Variants in UNKL observed in about 807,000 individuals in gnomAD.
UNKL encodes putative E3 ubiquitin-protein ligase UNKL.
A neutral mutation model predicts 78.0 loss-of-function variants in UNKL; 60 were observed. That is an observed-to-expected ratio of 0.77 (90% CI 0.63 to 0.95). The LOEUF (loss-of-function observed/expected upper bound fraction) is 0.95. UNKL is among the 40% of genes least tolerant of loss of function. The pLI, the probability that UNKL is intolerant of heterozygous loss-of-function variation, is 0.00. For synonymous variants in UNKL, 608 were observed against 474.8 expected (o/e 1.28, Z -3.65); for missense variants, 1,159 against 1,045.7 (o/e 1.11, Z -1.49).
chr16:1,386,007 T>G (rs889503843), intron 9 of UNKL, among the ~76,000 whole-genome samples: 4 of 152,204 alleles, frequency 2.6e-5, no homozygotes, highest in Admixed American at 6.5e-5. Flanking sequence ...CAGTGCTGAA[T>G]AAAAACCCAG....
chr16:1,398,681 A>ACCCCCCCCCCCCCCCCCCCCCCCCCC, intron 5 of UNKL: 1 of 694,534 alleles, frequency 1.4e-6, no homozygotes, highest in South Asian at 2.2e-5. Context: ...TGGGGTCTGC[A>ACCCCCCCCCCCCCCCCCCCCCCCCCC]CCCCCCCACC....
intron 9 of UNKL, among the ~76,000 whole-genome samples, chr16:1,389,411 A>T (rs879394556): frequency 3.9e-4 from 60 of 152,160 alleles, no homozygotes; most frequent in South Asian, 1.5e-3. Flanking sequence ...CCCCATTTCT[A>T]AAAAAATACA....
intron 9 of UNKL, among the ~76,000 whole-genome samples, chr16:1,388,389 C>T (rs1480763811): frequency 1.3e-5 from 2 of 152,120 alleles, no homozygotes; most frequent in South Asian, 2.1e-4. Flanking sequence ...AAGCCAAGGC[C>T]GCCTCCTTCC....
At position 1,403,529 on chromosome 16, in the gene UNKL, C is replaced by A. The variant is rs2037623715; in HGVS notation, c.288-185G>T. ...CACCTGTCCCCAAATGTGGAACCGC[C>A]CAGGTACACAGACCACCGCAAACCC... On this transcript the variant is annotated intron_variant, in intron 2 of 14. Coordinates refer to ENST00000389221, the MANE Select transcript of UNKL (RefSeq NM_001372107.1). This position sits in a 1 kb window ranked among gnomAD's most constrained non-coding sequence, Gnocchi z 4.8. Among the ~76,000 whole-genome samples the A allele has an allele frequency of 6.6e-6, 1 of 152,052 alleles. No homozygotes were observed. Among genetic ancestry groups the A allele is most frequent in the Non-Finnish European group, 1.5e-5 (1 of 68,002 alleles).
At chr16:1,372,507 C>A (rs1489821054) in intron 10 of UNKL, among the ~76,000 whole-genome samples, 3 of 152,084 alleles carry the variant, frequency 2.0e-5, no homozygotes, top group Non-Finnish European at 4.4e-5. Flanking sequence ...CAAGTCCCCA[C>A]CCCCAACCCC....
At chr16:1,367,010 G>C (rs917270693) in intron 14 of UNKL, 82 bp downstream of exon 14, 1 of 1,442,454 alleles carries the variant, frequency 6.9e-7, no homozygotes, top group African/African-American at 1.4e-5. Context: ...AGGGGACACC[G>C]CACCAGCCAG....
chr16:1,383,284 A>C (rs943263329), intron 10 of UNKL, among the ~76,000 whole-genome samples: 3 of 151,562 alleles, frequency 2.0e-5, no homozygotes, highest in African/African-American at 4.8e-5. Context: ...AAAAAAAAAA[A>C]AAAACAAAAT....
chr16:1,399,643 C>A lies in UNKL; in HGVS notation c.599-134G>T. 7.6e-7 allele frequency: 1 copy of A among 1,312,642 alleles called. No individual in the cohort carries two copies. The highest frequency in any genetic ancestry group is 1.0e-6 in the Non-Finnish European group (1 of 958,850). 81.3% of individuals were successfully genotyped at this position (1,312,642 alleles called of 1,614,324 possible). ...GGAGGACTTGGGGAGCGCAGACACA[C>A]GCCACGGCACACGCTGATGTCAAAG... On this transcript the variant is annotated intron_variant, in intron 4 of 14. Coordinates refer to ENST00000389221, the MANE Select transcript of UNKL (RefSeq NM_001372107.1). This position sits in a 1 kb window ranked among gnomAD's most constrained non-coding sequence, Gnocchi z 5.8.
intron 9 of UNKL, among the ~76,000 whole-genome samples, chr16:1,388,682 T>C (rs1460092897): frequency 6.6e-6 from 1 of 151,980 alleles, no homozygotes; most frequent in East Asian, 1.9e-4. Flanking sequence ...ATGGGCACAG[T>C]GAGAGGGGTC....
intron 8 of UNKL, among the ~76,000 whole-genome samples, chr16:1,391,294 C>A (rs1208930752): frequency 6.7e-6 from 1 of 150,346 alleles, no homozygotes; most frequent in Non-Finnish European, 1.5e-5. Flanking sequence ...ATAAGCTCTG[C>A]TCAGAATTTA....
Position 1,367,173 on chromosome 16 carries a change from A to G in UNKL, c.1965T>C (p.Cys655=), listed in dbSNP as rs1277614269. 9 of 1,605,834 alleles carry G rather than the reference A, an allele frequency of 5.6e-6. No individual in the cohort carries two copies. Among genetic ancestry groups the G allele is most frequent in the Non-Finnish European group, 7.6e-6 (9 of 1,178,102 alleles). ...VASTLPGLRG[C]GDIGTIPLPK... ...GCAGGGGAATGGTGCCGATGTCCCC[A>G]CAGCCCCGCAGCCCCGGCAGTGTGG... The change falls in exon 14 of 15, where the codon TGT becomes TGC. Residue 655 remains cysteine, a synonymous_variant. Transcript: ENST00000389221.
intron 8 of UNKL, among the ~76,000 whole-genome samples, chr16:1,392,272 G>C (rs905521140): frequency 2.6e-5 from 4 of 152,092 alleles, no homozygotes; most frequent in Non-Finnish European, 5.9e-5. Context: ...TTCCTGCCTC[G>C]AAGCCGGGCG....
At position 1,364,291 on chromosome 16, in the gene UNKL, T is replaced by TA. The variant is rs1469329744; in HGVS notation, c.*1948dup. ...ACAGAATGTTGCTATCAGTTTGTCT[T>TA]ACGTTAAAACAGTTCTTAAACCACC... is the stretch of plus-strand genomic sequence containing the variant. On this transcript the variant is annotated 3_prime_UTR_variant, in exon 15 of 15. Coordinates refer to ENST00000389221, the MANE Select transcript of UNKL (RefSeq NM_001372107.1). The TA allele has an allele frequency of 2.0e-5, 3 of 152,250 alleles. No individual in the cohort carries two copies. The highest frequency in any genetic ancestry group is 6.5e-5 in the Admixed American group (1 of 15,274). 9.4% of individuals were successfully genotyped at this position (152,250 alleles called of 1,614,324 possible).
In UNKL at chr16:1,390,670, C is replaced by G; in HGVS notation, c.1048G>C (p.Glu350Gln). The G allele has an allele frequency of 6.5e-7, 1 of 1,536,080 alleles. No homozygotes were observed. The highest frequency in any genetic ancestry group is 8.7e-7 in the Non-Finnish European group (1 of 1,146,896). The stretch of plus-strand genomic sequence containing the variant: ...TGCTCGCTGCCCCTAGGGCCACCCT[C>G]GGCCGGCGAGTCTCTCCGCTTGGCC... Reference protein sequence around the residue: ...GNAKRRDSPAEGGPRGSEQDS... With the variant: ...GNAKRRDSPAQGGPRGSEQDS... Residue 350 changes from glutamate to glutamine, a missense_variant, in exon 9 of 15, where the codon GAG becomes CAG. Glu to Gln is a conservative substitution (Grantham distance 29). Coordinates refer to ENST00000389221, the MANE Select transcript of UNKL (RefSeq NM_001372107.1).
At chr16:1,406,716 A>T (rs548484837) in intron 2 of UNKL, among the ~76,000 whole-genome samples, 10 of 152,280 alleles carry the variant, frequency 6.6e-5, no homozygotes, top group African/African-American at 2.4e-4. Context: ...GCCCAAGCTC[A>T]TCATGAGATC....
intron 10 of UNKL, among the ~76,000 whole-genome samples, chr16:1,372,726 G>A (rs991612394): frequency 1.3e-5 from 2 of 152,308 alleles, no homozygotes; most frequent in Middle Eastern, 3.4e-3. Context: ...GGACCGCAGC[G>A]GCTGCAGGAG....
Position 1,399,912 on chromosome 16 carries a change from C to T in UNKL, c.599-403G>A, listed in dbSNP as rs1236007490. Among the ~76,000 whole-genome samples, 2 of 151,174 alleles carry T rather than the reference C, an allele frequency of 1.3e-5. No individual in the cohort carries two copies. The highest frequency in any genetic ancestry group is 2.0e-4 in the East Asian group (1 of 5,060). On this transcript the variant is annotated intron_variant, in intron 4 of 14. Transcript: ENST00000389221. This position sits in a 1 kb window ranked among gnomAD's most constrained non-coding sequence, Gnocchi z 5.8. ...CTAAAATCCAGAGACATGCACACCC[C>T]GAAATGCCGCATGGTGAGCCTCATG...
In UNKL at chr16:1,369,852, G is replaced by A. The variant is rs573738714; in HGVS notation, c.1585+278C>T. ...TAGCTGGGCGTGGTGGCGCCCGCCT[G>A]TAGTCCCAGCTACTTGGGTGGCTGA... On this transcript the variant is annotated intron_variant, in intron 12 of 14. Transcript: ENST00000389221. 8.6e-4 allele frequency: 1,058 copies of A among 1,229,086 alleles called. 2 individuals carry two copies. The highest frequency in any genetic ancestry group is 1.2e-3 in the Non-Finnish European group (1,023 of 874,190). The allele number at this position is 1,229,086 out of a possible 1,614,324, so 76.1% of individuals were successfully genotyped here.
At chr16:1,398,679 G>GCGGGGCCCCCC in intron 5 of UNKL, 2 of 1,356,132 alleles carry the variant, frequency 1.5e-6, no homozygotes, top group Non-Finnish European at 1.9e-6. Context: ...TGTGGGGTCT[G>GCGGGGCCCCCC]CACCCCCCCA....
Sources: gnomAD v4.1 joint callset for allele counts (sites outside exome capture counted in the v4.1 genomes callset) on GRCh38, gnomAD v4.1.1 for gene constraint, Gnocchi (gnomAD v3.1) non-coding constraint, MANE v1.5 for transcripts, NCBI Gene and HGNC (gene_info 2026-07-23, HGNC 2026-07-21) for gene names.